NFIB: variants seen among roughly 807,000 people sequenced by gnomAD.
The protein encoded by NFIB is nuclear factor I B, also known as nuclear factor 1 B-type.
Under a neutral mutation model 61.5 loss-of-function variants are expected in NFIB, and 11 were observed. That is an observed-to-expected ratio of 0.18 (90% CI 0.11 to 0.30). NFIB has a LOEUF of 0.30. Ranked by LOEUF, NFIB falls within the 10% of genes least tolerant of loss-of-function variation. The probability of loss-of-function intolerance (pLI) is 1.00; values close to 1 mark genes in which losing one functional copy is unlikely to be tolerated. For synonymous variants in NFIB, 260 were observed against 216.5 expected (o/e 1.20, Z -1.76); for missense variants, 471 against 608.9 (o/e 0.77, Z 2.38).
At chr9:14,342,277 A>T (rs2060961166) in intron 1 of NFIB, among the ~76,000 whole-genome samples, 1 of 152,234 alleles carries the variant, frequency 6.6e-6, no homozygotes, top group African/African-American at 2.4e-5. Flanking sequence ...GCTTAGAAAG[A>T]GTAGACTACT....
chr9:14,508,241 ATG>A, the NFIB span, among the ~76,000 whole-genome samples: 3 of 152,062 alleles, frequency 2.0e-5, no homozygotes, highest in African/African-American at 7.2e-5. Context: ...GTATGTGTGT[ATG>A]TGTGATGTTT....
At chr9:14,270,887 T>C (rs1199071655) in intron 2 of NFIB, among the ~76,000 whole-genome samples, 3 of 152,110 alleles carry the variant, frequency 2.0e-5, no homozygotes, top group Non-Finnish European at 4.4e-5. Context: ...CATATGTGGA[T>C]AGGTATGAAG....
At chr9:14,365,836 C>T (rs760052881) in intron 1 of NFIB, among the ~76,000 whole-genome samples, 1 of 152,134 alleles carries the variant, frequency 6.6e-6, no homozygotes, top group Non-Finnish European at 1.5e-5. Flanking sequence ...ACTGATCTAA[C>T]GTGAGACCAA....
chr9:14,157,109 T>C (rs962303910), intron 3 of NFIB, among the ~76,000 whole-genome samples: 1 of 152,126 alleles, frequency 6.6e-6, no homozygotes, highest in African/African-American at 2.4e-5. Flanking sequence ...AAATCACCTA[T>C]CTTATAGAGT....
chr9:14,160,147 TAA>T (rs1361567977), intron 3 of NFIB, among the ~76,000 whole-genome samples: 1 of 152,186 alleles, frequency 6.6e-6, no homozygotes, highest in African/African-American at 2.4e-5. Flanking sequence ...GAGTAGGAAA[TAA>T]AGACTTCTAC....
chr9:14,391,533 G>C (rs566719378), intron 1 of NFIB, among the ~76,000 whole-genome samples: 4 of 152,082 alleles, frequency 2.6e-5, no homozygotes, highest in Non-Finnish European at 5.9e-5. Context: ...TGGGTGAGCA[G>C]GCTCAAGCAT....
the NFIB span, among the ~76,000 whole-genome samples, chr9:14,503,350 C>A: frequency 1.3e-5 from 2 of 152,044 alleles, no homozygotes; most frequent in Non-Finnish European, 2.9e-5. Context: ...ACTTTTAATC[C>A]TTTAAGGAAT....
At chr9:14,098,999 A>G (rs1393293799) in intron 10 of NFIB, among the ~76,000 whole-genome samples, 1 of 152,204 alleles carries the variant, frequency 6.6e-6, no homozygotes, top group African/African-American at 2.4e-5. Flanking sequence ...ATACTTGCAC[A>G]GCTCCCTTGG....
intron 1 of NFIB, among the ~76,000 whole-genome samples, chr9:14,384,356 G>A (rs535625990): frequency 1.4e-4 from 21 of 152,110 alleles, no homozygotes; most frequent in Non-Finnish European, 2.6e-4. Context: ...GAAATGCTGC[G>A]ATAAAATTAG....
chr9:14,331,103 T>C (rs2060816149), intron 1 of NFIB, among the ~76,000 whole-genome samples: 1 of 152,188 alleles, frequency 6.6e-6, no homozygotes, highest in Non-Finnish European at 1.5e-5. Context: ...CTCCCAACTT[T>C]AGATTAAAAG....
chr9:14,113,214 T>C, intron 9 of NFIB, 133 bp from the exon 10 acceptor site: 1 of 668,120 alleles, frequency 1.5e-6, no homozygotes, highest in Non-Finnish European at 2.4e-6. Context: ...CTCTTCTCTT[T>C]TGTCTGAGTG....
chr9:14,334,795 A>T (rs2060866101), intron 1 of NFIB, among the ~76,000 whole-genome samples: 1 of 152,184 alleles, frequency 6.6e-6, no homozygotes, highest in African/African-American at 2.4e-5. Context: ...GATAGGCAAC[A>T]TTTCTATTAC....
chr9:14,336,409 T>C (rs979574847), intron 1 of NFIB, among the ~76,000 whole-genome samples: 4 of 152,204 alleles, frequency 2.6e-5, no homozygotes, highest in African/African-American at 9.7e-5. Flanking sequence ...CCTGACATTT[T>C]TGGAAAATGA....
At chr9:14,312,566 C>T (rs1044207468) in intron 1 of NFIB, among the ~76,000 whole-genome samples, 1 of 152,174 alleles carries the variant, frequency 6.6e-6, no homozygotes, top group African/African-American at 2.4e-5. Flanking sequence ...AAACTGCCCC[C>T]AGGTAAGTCT....
intron 2 of NFIB, among the ~76,000 whole-genome samples, chr9:14,235,520 T>A (rs2053652475): frequency 6.6e-6 from 1 of 152,224 alleles, no homozygotes; most frequent in African/African-American, 2.4e-5. Context: ...TCATGGGCTA[T>A]CATCTTGGTT....
At chr9:14,453,566 C>T in the NFIB span, among the ~76,000 whole-genome samples, 2 of 152,150 alleles carry the variant, frequency 1.3e-5, no homozygotes, top group African/African-American at 4.8e-5. Flanking sequence ...CTGAGGCATC[C>T]ATTAAGAAAA....
chr9:14,369,580 A>C (rs569451853), intron 1 of NFIB, among the ~76,000 whole-genome samples: 15 of 152,082 alleles, frequency 9.9e-5, no homozygotes, highest in African/African-American at 3.4e-4. Context: ...TCCCTTCCCC[A>C]CACACACCCT....
the NFIB span, among the ~76,000 whole-genome samples, chr9:14,516,270 A>G: frequency 6.6e-6 from 1 of 152,206 alleles, no homozygotes; most frequent in Non-Finnish European, 1.5e-5. Flanking sequence ...TATTATTTAA[A>G]TCAGTACAAC....
At chr9:14,299,381 G>C (rs1251545501) in intron 2 of NFIB, among the ~76,000 whole-genome samples, 3 of 152,126 alleles carry the variant, frequency 2.0e-5, no homozygotes, top group Non-Finnish European at 4.4e-5. Flanking sequence ...AGTTTTATGA[G>C]AGATGTGTAC....
Sources: allele counts gnomAD v4.1 joint callset (sites outside exome capture counted in the v4.1 genomes callset), GRCh38; gene constraint gnomAD v4.1.1; transcripts MANE v1.5; gene names NCBI Gene and HGNC (gene_info 2026-07-23, HGNC 2026-07-21).